Variants in NTM observed in about 807,000 individuals in gnomAD.
NTM encodes the protein neurotrimin.
In NTM, 13 loss-of-function variants were observed where a neutral mutation model predicts 42.1. The ratio of observed to expected loss-of-function variants is 0.31; its 90% CI spans 0.20 to 0.49. The LOEUF is 0.49. Ranked by LOEUF, NTM falls within the 20% of genes least tolerant of loss-of-function variation. The probability of loss-of-function intolerance (pLI) is 0.99; values close to 1 mark genes in which losing one functional copy is unlikely to be tolerated. For missense variants in NTM, 373 were observed against 452.8 expected (o/e 0.82, Z 1.60); for synonymous variants, 187 against 179.2 (o/e 1.04, Z -0.35).
intron 1 of NTM, among the ~76,000 whole-genome samples, chr11:131,690,628 G>T (rs1232153067): frequency 6.6e-6 from 1 of 152,238 alleles, no homozygotes; most frequent in Non-Finnish European, 1.5e-5. Flanking sequence ...CTTCCCATCT[G>T]CAAGGTGTCA....
intron 1 of NTM, among the ~76,000 whole-genome samples, chr11:131,525,094 A>C (rs1327437655): frequency 6.6e-6 from 1 of 152,090 alleles, no homozygotes; most frequent in Non-Finnish European, 1.5e-5. Flanking sequence ...GGGGGCGGGT[A>C]TTGCCAGACC....
chr11:132,103,180 G>A (rs926643029), intron 2 of NTM, among the ~76,000 whole-genome samples: 3 of 152,212 alleles, frequency 2.0e-5, no homozygotes, highest in East Asian at 1.9e-4. Context: ...CTCCTCACCG[G>A]CCTCTCTCCA....
intron 4 of NTM, among the ~76,000 whole-genome samples, chr11:132,228,143 AG>A (rs2086705892): frequency 6.6e-6 from 1 of 152,204 alleles, no homozygotes; most frequent in Non-Finnish European, 1.5e-5. Context: ...GTGGAAGTGC[AG>A]GGGCAACCCA....
At chr11:131,423,799 A>C (rs1947778795) in intron 1 of NTM, among the ~76,000 whole-genome samples, 1 of 152,194 alleles carries the variant, frequency 6.6e-6, no homozygotes, top group South Asian at 2.1e-4. Context: ...TTCTGTCTGC[A>C]TTGTCAGTCA....
chr11:131,852,721 A>G (rs983139447), intron 1 of NTM, among the ~76,000 whole-genome samples: 8 of 151,936 alleles, frequency 5.3e-5, no homozygotes, highest in African/African-American at 1.9e-4. Context: ...ATTTGTCTAT[A>G]CCCACCCACC....
intron 4 of NTM, among the ~76,000 whole-genome samples, chr11:132,256,029 T>A (rs1382070991): frequency 6.6e-6 from 1 of 152,046 alleles, no homozygotes; most frequent in Admixed American, 6.6e-5. Context: ...TCCTCCCACC[T>A]TCTCTTCTCT....
At chr11:131,672,364 G>A (rs1441535506) in intron 1 of NTM, among the ~76,000 whole-genome samples, 1 of 152,218 alleles carries the variant, frequency 6.6e-6, no homozygotes, top group Non-Finnish European at 1.5e-5. Context: ...TCCTTTGAAG[G>A]CACCGCACCC....
intron 1 of NTM, chr11:131,795,472 T>A (rs567080284): frequency 2.0e-6 from 2 of 985,438 alleles, no homozygotes; most frequent in South Asian, 9.4e-5. Flanking sequence ...GTGGAAATGA[T>A]ACCTGGTTGC....
At chr11:132,219,277 C>T (rs918742575) in intron 4 of NTM, among the ~76,000 whole-genome samples, 2 of 152,150 alleles carry the variant, frequency 1.3e-5, no homozygotes, top group Admixed American at 6.5e-5. Context: ...CAGCACTTTG[C>T]GTGCATTTCC....
chr11:132,010,541 T>C (rs1457509503), intron 2 of NTM, among the ~76,000 whole-genome samples: 1 of 152,150 alleles, frequency 6.6e-6, no homozygotes, highest in Non-Finnish European at 1.5e-5. Flanking sequence ...CAAACCTTAA[T>C]GAATTTTCCC....
intron 1 of NTM, among the ~76,000 whole-genome samples, chr11:131,881,227 C>T (rs929692614): frequency 3.3e-5 from 5 of 152,128 alleles, no homozygotes; most frequent in East Asian, 1.9e-4. Flanking sequence ...CATTCACACG[C>T]GTTGAGTGCT....
chr11:131,401,607 A>G (rs1305925142), intron 1 of NTM, among the ~76,000 whole-genome samples: 2 of 151,158 alleles, frequency 1.3e-5, no homozygotes, highest in Non-Finnish European at 2.9e-5. Context: ...TCCATTGGAT[A>G]TCCTTTATAC....
chr11:131,498,276 C>T (rs531346759), intron 1 of NTM, among the ~76,000 whole-genome samples: 15 of 152,280 alleles, frequency 9.9e-5, no homozygotes. Flanking sequence ...CAGAACTGAG[C>T]TTTAGTTCCT....
At chr11:131,936,021 A>G (rs536190870) in intron 2 of NTM, among the ~76,000 whole-genome samples, 41 of 152,314 alleles carry the variant, frequency 2.7e-4, no homozygotes, top group African/African-American at 1.7e-4. Flanking sequence ...TTATATATAT[A>G]TGCATAAAAA....
At chr11:131,378,691 T>C (rs1207863013) in intron 1 of NTM, among the ~76,000 whole-genome samples, 2 of 152,170 alleles carry the variant, frequency 1.3e-5, no homozygotes, top group African/African-American at 4.8e-5. Flanking sequence ...AGGCATTTGA[T>C]TGAGGGTCAA....
intron 1 of NTM, among the ~76,000 whole-genome samples, chr11:131,382,570 C>T (rs1012338586): frequency 3.9e-5 from 6 of 152,116 alleles, no homozygotes; most frequent in Non-Finnish European, 7.4e-5. Context: ...CTATGTGGAA[C>T]AAAACTTTGC....
chr11:131,938,425 A>G (rs958429045), intron 2 of NTM, among the ~76,000 whole-genome samples: 1 of 152,210 alleles, frequency 6.6e-6, no homozygotes, highest in Admixed American at 6.5e-5. Context: ...AAGAAAACGG[A>G]AGTCACTGGG....
At chr11:132,279,558 G>A (rs889472825) in intron 4 of NTM, among the ~76,000 whole-genome samples, 1 of 152,140 alleles carries the variant, frequency 6.6e-6, no homozygotes, top group Non-Finnish European at 1.5e-5. Context: ...AAACAATTAT[G>A]TATAAATACT....
intron 2 of NTM, among the ~76,000 whole-genome samples, chr11:132,101,933 G>T (rs1239561869): frequency 1.3e-5 from 2 of 152,154 alleles, no homozygotes; most frequent in East Asian, 1.9e-4. Context: ...GGCACAAAAA[G>T]CTTTCTGTAA....
Sources: gnomAD v4.1 joint callset for allele counts (sites outside exome capture counted in the v4.1 genomes callset) on GRCh38, gnomAD v4.1.1 for gene constraint, MANE v1.5 for transcripts, NCBI Gene and HGNC (gene_info 2026-07-23, HGNC 2026-07-21) for gene names.